Variants in ADGRL4 observed in about 807,000 individuals in gnomAD.
ADGRL4 encodes adhesion G protein-coupled receptor L4.
A neutral mutation model predicts 74.8 loss-of-function variants in ADGRL4; 90 were observed. The ratio of observed to expected loss-of-function variants is 1.20; its 90% CI spans 1.02 to 1.43. The LOEUF (loss-of-function observed/expected upper bound fraction) is 1.43. Ranked by LOEUF, ADGRL4 falls within the 40% of genes most tolerant of loss-of-function variation. The pLI, the probability that ADGRL4 is intolerant of heterozygous loss-of-function variation, is 0.00. For missense variants in ADGRL4, 881 were observed against 814.3 expected (o/e 1.08, Z -1.00); for synonymous variants, 311 against 279.2 (o/e 1.11, Z -1.14).
intron 2 of ADGRL4, among the ~76,000 whole-genome samples, chr1:78,975,676 G>A (rs572750386): frequency 2.0e-5 from 3 of 151,862 alleles, no homozygotes; most frequent in African/African-American, 7.2e-5. Flanking sequence ...TCAATAGTAT[G>A]CATTTGTCAA....
chr1:78,978,331 A>C (rs1650330275), intron 2 of ADGRL4, among the ~76,000 whole-genome samples: 4 of 151,920 alleles, frequency 2.6e-5, no homozygotes, highest in African/African-American at 9.7e-5. Flanking sequence ...GTCATTACTG[A>C]ACTTTCACTC....
chr1:78,987,813 A>T (rs1049416304), intron 2 of ADGRL4, among the ~76,000 whole-genome samples: 9 of 151,698 alleles, frequency 5.9e-5, no homozygotes, highest in African/African-American at 2.2e-4. Context: ...TTTTGTCCTT[A>T]CCCCTGAAGC....
intron 2 of ADGRL4, among the ~76,000 whole-genome samples, chr1:78,983,426 G>C (rs1650434629): frequency 6.7e-6 from 1 of 149,670 alleles, no homozygotes. Context: ...AAGAGTTTAA[G>C]AGAACCAAGT....
chr1:78,968,791 T>A (rs375312211), intron 2 of ADGRL4, among the ~76,000 whole-genome samples: 7 of 152,222 alleles, frequency 4.6e-5, no homozygotes, highest in African/African-American at 1.7e-4. Context: ...CATGAAAATT[T>A]GTTATTCACA....
intron 8 of ADGRL4, among the ~76,000 whole-genome samples, chr1:78,924,265 A>G (rs949050490): frequency 1.3e-5 from 2 of 152,028 alleles, no homozygotes; most frequent in Admixed American, 6.6e-5. Context: ...GTAGAAAAAT[A>G]TATTTGTGTG....
chr1:78,953,198 C>T (rs1310432578), intron 2 of ADGRL4, among the ~76,000 whole-genome samples: 1 of 152,040 alleles, frequency 6.6e-6, no homozygotes, highest in African/African-American at 2.4e-5. Context: ...TTCAAACTAT[C>T]AAAGACTCTA....
At position 78,939,267 on chromosome 1, in the gene ADGRL4, A is replaced by G; in HGVS notation, c.326-9T>C. On this transcript the variant is annotated splice_polypyrimidine_tract_variant and intron_variant, in intron 3 of 14. Transcript: ENST00000370742. ...GTTTGCATTCACATTTTCTGTAAAA[A>G]AAGAAAATAGATTATACAGTCAGTT... is the stretch of plus-strand genomic sequence containing the variant. The G allele has an allele frequency of 6.4e-7, 1 of 1,561,668 alleles. No individual in the cohort carries two copies. Among genetic ancestry groups the G allele is most frequent in the Non-Finnish European group, 8.7e-7 (1 of 1,155,512 alleles).
At chr1:78,938,732 G>A (rs1030928224) in intron 4 of ADGRL4, among the ~76,000 whole-genome samples, 22 of 151,856 alleles carry the variant, frequency 1.4e-4, no homozygotes, top group Admixed American at 5.2e-4. Context: ...GCTTTAAACT[G>A]ACAGTTTATT....
At chr1:78,971,819 C>T (rs1963021) in intron 2 of ADGRL4, among the ~76,000 whole-genome samples, 150,465 of 152,296 alleles carry the variant, frequency 0.99, 74,362 homozygotes, top group Middle Eastern at 1. Context: ...TGCAGTGGTA[C>T]GATCTCAGCC....
chr1:78,973,164 A>G (rs894905104), intron 2 of ADGRL4, among the ~76,000 whole-genome samples: 7 of 151,966 alleles, frequency 4.6e-5, no homozygotes, highest in African/African-American at 1.7e-4. Context: ...TTTGGTTCAT[A>G]TTTTAGAATT....
intron 2 of ADGRL4, among the ~76,000 whole-genome samples, chr1:78,956,331 C>T (rs1422875689): frequency 1.3e-5 from 2 of 152,106 alleles, no homozygotes; most frequent in African/African-American, 4.8e-5. Context: ...TGGAAGCCTA[C>T]ATTGGTTATG....
intron 1 of ADGRL4, 94 bp downstream of exon 1, chr1:79,006,539 T>C (rs192202072): frequency 2.1e-6 from 3 of 1,420,838 alleles, no homozygotes; most frequent in Admixed American, 2.4e-5. Context: ...CCAAATACAC[T>C]TGCCATGTGA....
intron 2 of ADGRL4, among the ~76,000 whole-genome samples, chr1:78,958,858 A>T (rs1649886152): frequency 6.6e-6 from 1 of 152,208 alleles, no homozygotes; most frequent in Non-Finnish European, 1.5e-5. Flanking sequence ...GAGACAATCC[A>T]AGTGGAAAAT....
chr1:78,893,996 A>G (rs1279669741), intron 12 of ADGRL4, among the ~76,000 whole-genome samples: 1 of 151,830 alleles, frequency 6.6e-6, no homozygotes, highest in Non-Finnish European at 1.5e-5. Context: ...GTCTAATATG[A>G]GCATGCCAAT....
At chr1:78,988,475 T>A (rs1305568071) in intron 2 of ADGRL4, among the ~76,000 whole-genome samples, 6 of 151,892 alleles carry the variant, frequency 4.0e-5, no homozygotes, top group Non-Finnish European at 7.4e-5. Flanking sequence ...TATTAGATCA[T>A]CTACAGTTAA....
At chr1:78,937,663 T>C in intron 6 of ADGRL4, 144 bp downstream of exon 6, 1 of 689,990 alleles carries the variant, frequency 1.4e-6, no homozygotes, top group South Asian at 1.9e-5. Context: ...GCAATATGCA[T>C]CACCATTCAT....
At chr1:78,952,583 C>T (rs1649752972) in intron 2 of ADGRL4, among the ~76,000 whole-genome samples, 1 of 151,838 alleles carries the variant, frequency 6.6e-6, no homozygotes, top group Non-Finnish European at 1.5e-5. Context: ...TACAATGAAT[C>T]CAGAATGGAT....
At chr1:78,894,538 T>G (rs1648354059) in intron 12 of ADGRL4, among the ~76,000 whole-genome samples, 1 of 151,844 alleles carries the variant, frequency 6.6e-6, no homozygotes, top group South Asian at 2.1e-4. Context: ...TAAATAATAT[T>G]TAATTTTATA....
intron 13 of ADGRL4, 30 bp from the exon 14 acceptor site, chr1:78,891,722 GA>G: frequency 6.3e-7 from 1 of 1,586,030 alleles, no homozygotes; most frequent in Non-Finnish European, 8.6e-7. Context: ...CGTCAGTGAA[GA>G]AAGCTACGTA....
Sources: allele counts gnomAD v4.1 joint callset (sites outside exome capture counted in the v4.1 genomes callset), GRCh38; gene constraint gnomAD v4.1.1; transcripts MANE v1.5; gene names NCBI Gene and HGNC (gene_info 2026-07-23, HGNC 2026-07-21).